Variants in HNF1B observed in about 807,000 individuals in gnomAD.
HNF1B encodes the protein HNF1 homeobox B, also known as hepatocyte nuclear factor 1-beta.
In HNF1B, 8 loss-of-function variants were observed where a neutral mutation model predicts 61.7. The observed-to-expected ratio is 0.13, with a 90% CI of 0.08 to 0.23. The LOEUF (loss-of-function observed/expected upper bound fraction) is 0.23. Among genes scored for constraint, HNF1B ranks in the 10% least tolerant of loss-of-function variants. The probability of loss-of-function intolerance (pLI) is 1.00; values close to 1 mark genes in which losing one functional copy is unlikely to be tolerated. For missense variants in HNF1B, 562 were observed against 714.5 expected, an observed-to-expected ratio of 0.79 and a Z score of 2.43; for synonymous variants, 314 against 287.7, an observed-to-expected ratio of 1.09 and a Z score of -0.93.
At chr17:37,706,709 C>T (rs2032762671) in intron 5 of HNF1B, among the ~76,000 whole-genome samples, 1 of 151,610 alleles carries the variant, frequency 6.6e-6, no homozygotes, top group East Asian at 1.9e-4. Context: ...GTAGCCTGCC[C>T]TCAGACTGAA....
intron 4 of HNF1B, among the ~76,000 whole-genome samples, chr17:37,714,592 C>T (rs1283653074): frequency 6.6e-6 from 1 of 152,206 alleles, no homozygotes; most frequent in Non-Finnish European, 1.5e-5. Context: ...CAGCAAAAGC[C>T]ATCCAAGGTG....
intron 8 of HNF1B, among the ~76,000 whole-genome samples, chr17:37,689,875 G>C (rs1468482930): frequency 6.6e-6 from 1 of 152,190 alleles, no homozygotes; most frequent in African/African-American, 2.4e-5. Flanking sequence ...ACACGTTTGA[G>C]TGCCTACTGT....
chr17:37,734,039 T>G (rs549384776), intron 2 of HNF1B, among the ~76,000 whole-genome samples: 1 of 152,202 alleles, frequency 6.6e-6, no homozygotes, highest in African/African-American at 2.4e-5. Flanking sequence ...CCTTTTCCTT[T>G]CTTTGAAGGA....
chr17:37,743,520 C>G (rs2034066606), intron 1 of HNF1B, among the ~76,000 whole-genome samples: 5 of 152,248 alleles, frequency 3.3e-5, no homozygotes. Flanking sequence ...AAGGTCATAT[C>G]CCACCCCAAA....
At chr17:37,687,688 G>A (rs2032026078) in intron 8 of HNF1B, among the ~76,000 whole-genome samples, 1 of 152,198 alleles carries the variant, frequency 6.6e-6, no homozygotes, top group Admixed American at 6.5e-5. Context: ...TCCTCTTTCT[G>A]TGACAGTGGC....
intron 1 of HNF1B, among the ~76,000 whole-genome samples, chr17:37,742,576 G>A (rs2034026223): frequency 6.6e-6 from 1 of 152,100 alleles, no homozygotes; most frequent in Non-Finnish European, 1.5e-5. Flanking sequence ...GGGAGGAAAG[G>A]CAGCACCCGC....
At chr17:37,719,154 T>C (rs2033222817) in intron 4 of HNF1B, among the ~76,000 whole-genome samples, 1 of 151,724 alleles carries the variant, frequency 6.6e-6, no homozygotes, top group African/African-American at 2.4e-5. Context: ...TTTGAAGAGA[T>C]GGGGGGGTCT....
chr17:37,711,660 C>T (rs970632961), intron 4 of HNF1B, among the ~76,000 whole-genome samples: 2 of 152,230 alleles, frequency 1.3e-5, no homozygotes, highest in African/African-American at 4.8e-5. Flanking sequence ...GGCATCTCAC[C>T]CCTAAGCTCA....
intron 4 of HNF1B, chr17:37,729,033 T>TA (rs1287717374): frequency 6.6e-6 from 1 of 152,130 alleles, no homozygotes; most frequent in African/African-American, 2.4e-5. Context: ...ATAATGAGGG[T>TA]AGTATGGGTT....
intron 4 of HNF1B, chr17:37,729,800 T>C (rs2033627315): frequency 6.6e-6 from 1 of 152,324 alleles, no homozygotes; most frequent in Admixed American, 6.5e-5. Flanking sequence ...GGCAAATCAC[T>C]GCCTCTTTCT....
intron 8 of HNF1B, among the ~76,000 whole-genome samples, chr17:37,688,461 A>G (rs2032066481): frequency 6.6e-6 from 1 of 151,266 alleles, no homozygotes; most frequent in Non-Finnish European, 1.5e-5. Flanking sequence ...CTGTTATCGC[A>G]TTGATCAGTG....
chr17:37,733,479 A>G lies in HNF1B; in HGVS notation c.809+78T>C, dbSNP rs549516063. ...CACTTATCTGTATAACTAGTGTCTC[A>G]ATATCCCAGGACCGAGGGGAGGGTT... On this transcript the variant is annotated intron_variant, in intron 3 of 8. Transcript: ENST00000617811. 912 of 1,536,204 alleles carry G rather than the reference A, an allele frequency of 5.9e-4. 12 individuals carry two copies. In the South Asian group the frequency reaches 9.6e-3, roughly 16 times the overall value.
chr17:37,739,497 G>C lies in HNF1B; in HGVS notation c.487C>G (p.Gln163Glu), dbSNP rs2033928151. The change falls in exon 2 of 9, where the codon CAG (glutamine) becomes GAG (glutamate). Residue 163 changes from glutamine (Q) to glutamate (E), a missense_variant. Transcript: ENST00000617811. ...HLNKGTPMKT[Q>E]KRAALYTWYV... ...CAGGTGTACAGAGCGGCACGCTTCT[G>C]GGTCTTCATAGGGGTGCCCTTGTTG... is the stretch of plus-strand genomic sequence containing the variant. 6.2e-7 allele frequency: 1 copy of C among 1,614,112 alleles called. No individual in the cohort carries two copies. The highest frequency in any genetic ancestry group is 8.5e-7 in the Non-Finnish European group (1 of 1,180,020).
At chr17:37,705,766 A>G (rs150227702) in intron 5 of HNF1B, among the ~76,000 whole-genome samples, 153 of 152,246 alleles carry the variant, frequency 1.0e-3, no homozygotes, top group Non-Finnish European at 1.9e-3. Context: ...TACATGTCCT[A>G]TTATATTGCT....
chr17:37,731,375 C>G (rs1469275638), intron 4 of HNF1B: 2 of 663,562 alleles, frequency 3.0e-6, no homozygotes, highest in Non-Finnish European at 5.5e-6. Context: ...TCCCTGGAAG[C>G]CGAGTGAGCC....
At chr17:37,743,693 G>A (rs1475032738) in intron 1 of HNF1B, among the ~76,000 whole-genome samples, 1 of 152,254 alleles carries the variant, frequency 6.6e-6, no homozygotes. Context: ...AGCTGTCAAA[G>A]TCTAGGGCGG....
chr17:37,718,646 C>T (rs1409020779), intron 4 of HNF1B, among the ~76,000 whole-genome samples: 4 of 152,224 alleles, frequency 2.6e-5, no homozygotes, highest in African/African-American at 4.8e-5. Context: ...CTCCCCATCA[C>T]GACCCACTAA....
chr17:37,733,866 C>A, intron 2 of HNF1B, 45 bp from the exon 3 acceptor site: 1 of 1,592,970 alleles, frequency 6.3e-7, no homozygotes, highest in Non-Finnish European at 8.5e-7. Context: ...GTAGCCTTCA[C>A]TCAGCAGACA....
intron 4 of HNF1B, among the ~76,000 whole-genome samples, chr17:37,713,142 C>G (rs866789533): frequency 3.9e-5 from 6 of 152,102 alleles, no homozygotes; most frequent in Non-Finnish European, 7.4e-5. Context: ...TTTACCTCCC[C>G]GAGAGGCTCT....
Sources: allele counts gnomAD v4.1 joint callset (sites outside exome capture counted in the v4.1 genomes callset), GRCh38; gene constraint gnomAD v4.1.1; transcripts MANE v1.5; gene names NCBI Gene and HGNC (gene_info 2026-07-23, HGNC 2026-07-21).